Variants in CACNA1E observed in about 807,000 individuals in gnomAD.
The protein encoded by CACNA1E is calcium voltage-gated channel subunit alpha1 E.
A neutral mutation model predicts 259.2 loss-of-function variants in CACNA1E; 40 were observed. That is an observed-to-expected ratio of 0.15 (90% CI 0.12 to 0.20). The LOEUF (loss-of-function observed/expected upper bound fraction) is 0.20, where lower values mean the gene tolerates loss of function less well. CACNA1E is among the 10% of genes least tolerant of loss of function. The pLI is 1.00. For synonymous variants in CACNA1E, 1,104 were observed against 1,138.5 expected (o/e 0.97, Z 0.61); for missense variants, 1,874 against 3,040.1 (o/e 0.62, Z 9.02).
At chr1:181,571,900 T>C (rs1650449984) in intron 3 of CACNA1E, among the ~76,000 whole-genome samples, 1 of 152,204 alleles carries the variant, frequency 6.6e-6, no homozygotes, top group Admixed American at 6.5e-5. Context: ...GCTCTTTATC[T>C]GGTGTTTTCT....
intron 7 of CACNA1E, among the ~76,000 whole-genome samples, chr1:181,707,141 C>T (rs1326923342): frequency 4.6e-5 from 7 of 152,190 alleles, no homozygotes; most frequent in Non-Finnish European, 1.0e-4. Flanking sequence ...AGGAAAGACA[C>T]AGGTGCTGGA....
rs375247330 is a variant in CACNA1E at position 181,798,393 on chromosome 1, G to A, written c.6501G>A (p.Arg2167=). 3.1e-6 allele frequency: 5 copies of A among 1,613,238 alleles called. No individual in the cohort carries two copies. The African/African-American group carries it at 6.7e-5, about 22-fold the overall frequency. The change falls in exon 48 of 48, where the codon CGG becomes CGA. Residue 2167 remains arginine (R), a synonymous_variant. Coordinates refer to ENST00000367573, the MANE Select transcript of CACNA1E (RefSeq NM_001205293.3). The surrounding 1 kb of genome is among the most constrained non-coding windows in gnomAD (Gnocchi z 4.2). ...TCCCACCCGTCCCGCCAAAGCCCCG[G>A]CCCCTCCTTTCCTACAGCTCCCTGA... The part of the protein sequence containing the change: ...RQLPPVPPKP[R]PLLSYSSLIR...
At chr1:181,710,049 C>G (rs994945113) in intron 7 of CACNA1E, among the ~76,000 whole-genome samples, 1 of 152,172 alleles carries the variant, frequency 6.6e-6, no homozygotes, top group East Asian at 1.9e-4. Flanking sequence ...GTCCTCTTCT[C>G]TTCTCTTTCT....
At chr1:181,723,543 A>G (rs1433435483) in intron 16 of CACNA1E, among the ~76,000 whole-genome samples, 1 of 152,168 alleles carries the variant, frequency 6.6e-6, no homozygotes, top group East Asian at 1.9e-4. Flanking sequence ...CTCTAATTCA[A>G]TTCTGACGCT....
chr1:181,737,550 G>A lies in CACNA1E; in HGVS notation c.3448G>A (p.Val1150Met), dbSNP rs546281059. Reference sequence around the variant, plus strand: ...GATCCGGAGGGCCTGCCACTACATCGTGAACCTGCGCTACTTTGAGATGTG... The same window carrying A: ...GATCCGGAGGGCCTGCCACTACATCATGAACCTGCGCTACTTTGAGATGTG... The part of the protein sequence containing the change: ...NPIRRACHYI[V>M]NLRYFEMCIL... The change falls in exon 23 of 48, where the codon GTG becomes ATG. Residue 1150 changes from valine (V) to methionine (M), a missense_variant. This residue lies in a region of CACNA1E where 56 missense variants were observed against 97.4 expected (regional missense o/e 0.57). Coordinates refer to ENST00000367573, the MANE Select transcript of CACNA1E (RefSeq NM_001205293.3). 6 of 1,613,988 alleles carry A rather than the reference G, an allele frequency of 3.7e-6. No homozygotes were observed. Among genetic ancestry groups the A allele is most frequent in the African/African-American group, 1.3e-5 (1 of 75,050 alleles).
intron 3 of CACNA1E, among the ~76,000 whole-genome samples, chr1:181,518,358 T>C (rs1666743148): frequency 6.6e-6 from 1 of 152,220 alleles, no homozygotes; most frequent in Non-Finnish European, 1.5e-5. Context: ...ACCTCCTCCC[T>C]GGCTTTTTGT....
At chr1:181,422,336 T>C (rs1658809807) in intron 2 of CACNA1E, among the ~76,000 whole-genome samples, 1 of 152,190 alleles carries the variant, frequency 6.6e-6, no homozygotes, top group African/African-American at 2.4e-5. Flanking sequence ...TGTGAATGAA[T>C]ATTTATGAAT....
chr1:181,548,524 G>A (rs1647776933), intron 3 of CACNA1E, among the ~76,000 whole-genome samples: 1 of 152,202 alleles, frequency 6.6e-6, no homozygotes, highest in South Asian at 2.1e-4. Flanking sequence ...ACAATAAGAA[G>A]TCTTTCTTTG....
At chr1:181,382,742 G>C (rs1183291279) in intron 1 of CACNA1E, among the ~76,000 whole-genome samples, 1 of 152,156 alleles carries the variant, frequency 6.6e-6, no homozygotes, top group Non-Finnish European at 1.5e-5. Context: ...CTTCCCGTGT[G>C]CTTCATAATC....
At chr1:181,495,143 A>G (rs1283781619) in intron 1 of CACNA1E, among the ~76,000 whole-genome samples, 2 of 152,224 alleles carry the variant, frequency 1.3e-5, no homozygotes, top group African/African-American at 4.8e-5. Flanking sequence ...TTCTTAGACA[A>G]TAAAAGTGTT....
At chr1:181,554,798 G>A (rs1648552811) in intron 3 of CACNA1E, among the ~76,000 whole-genome samples, 1 of 152,118 alleles carries the variant, frequency 6.6e-6, no homozygotes, top group African/African-American at 2.4e-5. Context: ...AGGTTTTAAG[G>A]CCTCTGTTTT....
At chr1:181,564,382 TCTTTG>T (rs1481557033) in intron 3 of CACNA1E, among the ~76,000 whole-genome samples, 1 of 152,230 alleles carries the variant, frequency 6.6e-6, no homozygotes, top group African/African-American at 2.4e-5. Context: ...GAAACTACTT[TCTTTG>T]CTTATTCATA....
intron 45 of CACNA1E, 131 bp from the exon 46 acceptor site, chr1:181,794,733 C>A: frequency 4.3e-6 from 3 of 699,770 alleles, no homozygotes; most frequent in Non-Finnish European, 7.2e-6. Flanking sequence ...AAGAGAGATT[C>A]AAGGGAAGTT....
At position 181,776,133 on chromosome 1, in the gene CACNA1E, C is replaced by T; in HGVS notation, c.5172C>T (p.Asp1724=). 6.2e-7 allele frequency: 1 copy of T among 1,613,870 alleles called. No individual in the cohort carries two copies. The change falls in exon 38 of 48, where the codon GAC becomes GAT. Residue 1724 remains aspartate, a synonymous_variant. Transcript: ENST00000367573. The surrounding 1 kb of genome is among the most constrained non-coding windows in gnomAD (Gnocchi z 4.4). ...ACCTGTTTGTGGCCGTCATCATGGA[C>T]AACTTTGAGTACCTGACTCGGGACT... The part of the protein sequence containing the change: ...MLNLFVAVIM[D]NFEYLTRDSS...
intron 6 of CACNA1E, among the ~76,000 whole-genome samples, chr1:181,597,035 C>T (rs1653244699): frequency 1.3e-5 from 2 of 151,922 alleles, no homozygotes; most frequent in South Asian, 4.2e-4. Flanking sequence ...CTCTGCCCTG[C>T]CTCCTCCCCT....
chr1:181,440,515 G>C (rs910986676), intron 2 of CACNA1E, among the ~76,000 whole-genome samples: 2 of 152,122 alleles, frequency 1.3e-5, no homozygotes, highest in Non-Finnish European at 2.9e-5. Context: ...CCCCAAATTT[G>C]GGGGAGTGAT....
At chr1:181,779,452 C>T (rs1195322483) in intron 38 of CACNA1E, 4 of 448,980 alleles carry the variant, frequency 8.9e-6, no homozygotes, top group Non-Finnish European at 1.8e-5. Flanking sequence ...GCGGCAGGAT[C>T]CCGTATAAGG....
At chr1:181,736,533 C>T in intron 22 of CACNA1E, 99 bp downstream of exon 22, 2 of 1,138,326 alleles carry the variant, frequency 1.8e-6, no homozygotes, top group South Asian at 1.6e-5. Context: ...GGGGCCCAGC[C>T]ATCTTCTTAA....
chr1:181,762,532 C>CCTT, intron 32 of CACNA1E, 42 bp from the exon 33 acceptor site: 1 of 1,048,468 alleles, frequency 9.5e-7, no homozygotes, highest in Admixed American at 2.3e-5. Context: ...TTTTTTTTTT[C>CCTT]TTTCCTTTTC....
Sources: allele counts gnomAD v4.1 joint callset (sites outside exome capture counted in the v4.1 genomes callset), GRCh38; gene constraint gnomAD v4.1.1; regional missense constraint gnomAD v4.1.1; non-coding constraint Gnocchi (gnomAD v3.1); transcripts MANE v1.5; gene names NCBI Gene and HGNC (gene_info 2026-07-23, HGNC 2026-07-21).